Variants in RBMS1 observed in about 807,000 individuals in gnomAD.
RBMS1 encodes the protein RNA binding motif single stranded interacting protein 1, also known as RNA-binding motif, single-stranded-interacting protein 1.
In RBMS1, 17 loss-of-function variants were observed where a neutral mutation model predicts 62.3. That is an observed-to-expected ratio of 0.27 (90% CI 0.19 to 0.41). The LOEUF (loss-of-function observed/expected upper bound fraction) is 0.41. RBMS1 is among the 10% of genes least tolerant of loss of function. RBMS1 has a pLI of 1.00. For missense variants in RBMS1, 334 were observed against 504.5 expected, an observed-to-expected ratio of 0.66 and a Z score of 3.24; for synonymous variants, 172 against 170.0, an observed-to-expected ratio of 1.01 and a Z score of -0.09.
chr2:160,390,274 G>T (rs1016051248), intron 1 of RBMS1, among the ~76,000 whole-genome samples: 18 of 152,232 alleles, frequency 1.2e-4, no homozygotes, highest in African/African-American at 4.1e-4. Flanking sequence ...CCTGGAAGAG[G>T]TAGACCTTGA....
At chr2:160,410,410 TAAGTA>T (rs1027937144) in intron 1 of RBMS1, among the ~76,000 whole-genome samples, 10 of 151,954 alleles carry the variant, frequency 6.6e-5, no homozygotes, top group African/African-American at 2.4e-4. Context: ...ACTGTGTTCT[TAAGTA>T]AAGCATTACA....
At chr2:160,452,606 G>A (rs1032085092) in intron 1 of RBMS1, among the ~76,000 whole-genome samples, 3 of 152,160 alleles carry the variant, frequency 2.0e-5, no homozygotes, top group Non-Finnish European at 4.4e-5. Flanking sequence ...AGATATGGAA[G>A]GCCAACTGTA....
chr2:160,376,694 A>AG (rs1694017905), intron 1 of RBMS1, among the ~76,000 whole-genome samples: 1 of 151,996 alleles, frequency 6.6e-6, no homozygotes, highest in Non-Finnish European at 1.5e-5. Context: ...GGAATGCAGT[A>AG]GTGCAATCAT....
chr2:160,442,636 CAGATATAAAA>C (rs767918399), intron 1 of RBMS1, among the ~76,000 whole-genome samples: 42 of 152,204 alleles, frequency 2.8e-4, no homozygotes, highest in Non-Finnish European at 3.8e-4. Context: ...AGCAGGAGCT[CAGATATAAAA>C]AGACTCTTAG....
intron 6 of RBMS1, among the ~76,000 whole-genome samples, chr2:160,292,755 G>A (rs947576301): frequency 6.6e-6 from 1 of 152,186 alleles, no homozygotes; most frequent in African/African-American, 2.4e-5. Flanking sequence ...GCTGTAGGCT[G>A]GGTGTGATCG....
intron 1 of RBMS1, among the ~76,000 whole-genome samples, chr2:160,404,345 G>C (rs1172030764): frequency 1.3e-5 from 2 of 152,128 alleles, no homozygotes; most frequent in Admixed American, 1.3e-4. Context: ...TGAGAGATGA[G>C]TACCAACCAC....
At chr2:160,431,688 C>T (rs1279994253) in intron 1 of RBMS1, among the ~76,000 whole-genome samples, 7 of 152,174 alleles carry the variant, frequency 4.6e-5, no homozygotes, top group Non-Finnish European at 8.8e-5. Flanking sequence ...ACTTTCAGTT[C>T]CTTATACTTG....
At chr2:160,360,558 T>C (rs1693071211) in intron 2 of RBMS1, among the ~76,000 whole-genome samples, 1 of 152,178 alleles carries the variant, frequency 6.6e-6, no homozygotes, top group Non-Finnish European at 1.5e-5. Flanking sequence ...CACCCCGTCA[T>C]GGGAACCCCG....
intron 2 of RBMS1, among the ~76,000 whole-genome samples, chr2:160,356,544 A>T (rs1692812177): frequency 4.6e-5 from 7 of 152,134 alleles, no homozygotes; most frequent in Admixed American, 4.6e-4. Context: ...TGAGCTCTGG[A>T]GTCAGACTGT....
chr2:160,404,113 A>G (rs1254235634), intron 1 of RBMS1, among the ~76,000 whole-genome samples: 1 of 152,232 alleles, frequency 6.6e-6, no homozygotes, highest in Admixed American at 6.5e-5. Flanking sequence ...CAACAGTAAT[A>G]GAACGTACAC....
At chr2:160,399,937 G>A (rs1035006201) in intron 1 of RBMS1, among the ~76,000 whole-genome samples, 13 of 152,200 alleles carry the variant, frequency 8.5e-5, no homozygotes, top group Admixed American at 7.8e-4. Context: ...CAATGAGACT[G>A]GAACCAATTT....
intron 2 of RBMS1, chr2:160,366,970 G>T (rs970613023): frequency 3.2e-6 from 1 of 312,548 alleles, no homozygotes; most frequent in Non-Finnish European, 5.7e-6. Context: ...CTTCTCATAT[G>T]CCCATAAAGT....
chr2:160,334,446 T>G (rs1490231212), intron 2 of RBMS1, among the ~76,000 whole-genome samples: 1 of 152,228 alleles, frequency 6.6e-6, no homozygotes, highest in African/African-American at 2.4e-5. Context: ...CCATTAATCC[T>G]GTTCTACAAG....
chr2:160,388,921 G>T (rs1694719338), intron 1 of RBMS1, among the ~76,000 whole-genome samples: 1 of 152,244 alleles, frequency 6.6e-6, no homozygotes, highest in Admixed American at 6.5e-5. Flanking sequence ...ACAGTGACAG[G>T]CCAGATCTTT....
chr2:160,365,767 T>C (rs1300131144), intron 2 of RBMS1, among the ~76,000 whole-genome samples: 3 of 152,228 alleles, frequency 2.0e-5, no homozygotes, highest in Non-Finnish European at 2.9e-5. Context: ...CCTTAGACTT[T>C]ATGGTGCTCT....
rs377039983 is a variant in RBMS1 at position 160,492,918 on chromosome 2, G to C, written c.75+371C>G. Reference sequence around the variant, plus strand: ...AGGCCCTTGGAGAAGGGGTCGAAAAGCCGGGCCACCAGCGGATCCAGACGC... The same window carrying C: ...AGGCCCTTGGAGAAGGGGTCGAAAACCCGGGCCACCAGCGGATCCAGACGC... On this transcript the variant is annotated intron_variant, in intron 1 of 13. Transcript: ENST00000348849. 6.3e-3 allele frequency: 1,312 copies of C among 208,548 alleles called. 14 individuals are homozygous for C. The highest frequency in any genetic ancestry group is 0.027 in the African/African-American group (1,180 of 43,154). 12.9% of individuals were successfully genotyped at this position (208,548 alleles called of 1,614,324 possible).
intron 1 of RBMS1, among the ~76,000 whole-genome samples, chr2:160,455,979 G>A (rs913702854): frequency 1.3e-5 from 2 of 151,826 alleles, no homozygotes; most frequent in Non-Finnish European, 1.5e-5. Context: ...CACCGCGCCC[G>A]GCCCATTCCC....
intron 1 of RBMS1, among the ~76,000 whole-genome samples, chr2:160,393,930 A>G (rs1047667848): frequency 2.0e-5 from 3 of 152,202 alleles, no homozygotes; most frequent in African/African-American, 7.2e-5. Flanking sequence ...GGAAAAGCTC[A>G]TCTCTGGGTC....
At chr2:160,490,127 T>G (rs1284508728) in intron 1 of RBMS1, among the ~76,000 whole-genome samples, 2 of 152,076 alleles carry the variant, frequency 1.3e-5, no homozygotes, top group African/African-American at 4.8e-5. Flanking sequence ...CTTTTTTCTG[T>G]GTAGCTAAAA....
Sources: allele counts gnomAD v4.1 joint callset (sites outside exome capture counted in the v4.1 genomes callset), GRCh38; gene constraint gnomAD v4.1.1; transcripts MANE v1.5; gene names NCBI Gene and HGNC (gene_info 2026-07-23, HGNC 2026-07-21).